LYPD6B: variants seen among roughly 807,000 people sequenced by gnomAD.
The protein encoded by LYPD6B is LY6/PLAUR domain containing 6B.
A neutral mutation model predicts 22.8 loss-of-function variants in LYPD6B; 17 were observed. The observed-to-expected ratio is 0.75, with a 90% confidence interval of 0.51 to 1.12. The LOEUF is 1.12. Among genes scored for constraint, LYPD6B ranks in the 50% most tolerant of loss-of-function variants. The pLI, the probability that LYPD6B is intolerant of heterozygous loss-of-function variation, is 0.00. For missense variants in LYPD6B, 221 were observed against 258.3 expected (o/e 0.86, Z 0.99); for synonymous variants, 106 against 91.6 (o/e 1.16, Z -0.90).
intron 1 of LYPD6B, among the ~76,000 whole-genome samples, chr2:149,105,071 A>G (rs575501840): frequency 2.0e-4 from 31 of 152,186 alleles, no homozygotes; most frequent in Admixed American, 3.3e-4. Context: ...TTGTGAATAT[A>G]CATCCAATTG....
chr2:149,186,850 A>T (rs1356774754), intron 3 of LYPD6B, among the ~76,000 whole-genome samples: 3 of 152,218 alleles, frequency 2.0e-5, no homozygotes, highest in Admixed American at 2.0e-4. Context: ...CCAGTATCAC[A>T]TGCTACAGAG....
At chr2:149,039,804 T>A (rs1453974661) in intron 1 of LYPD6B, among the ~76,000 whole-genome samples, 1 of 152,170 alleles carries the variant, frequency 6.6e-6, no homozygotes. Context: ...AGGCCAAGAT[T>A]AGGGCTGCCA....
intron 2 of LYPD6B, among the ~76,000 whole-genome samples, chr2:149,147,802 CTG>C (rs1689121562): frequency 6.6e-6 from 1 of 152,112 alleles, no homozygotes; most frequent in Non-Finnish European, 1.5e-5. Flanking sequence ...GTGTGAGCCA[CTG>C]CGCCCAGCCT....
chr2:149,132,134 G>A (rs1455155999), intron 2 of LYPD6B, among the ~76,000 whole-genome samples: 2 of 151,706 alleles, frequency 1.3e-5, no homozygotes, highest in East Asian at 1.9e-4. Context: ...AATGAAATAG[G>A]GCAGACAGAA....
intron 1 of LYPD6B, among the ~76,000 whole-genome samples, chr2:149,056,233 C>G (rs1350854646): frequency 6.6e-6 from 1 of 152,186 alleles, no homozygotes; most frequent in Non-Finnish European, 1.5e-5. Context: ...TTCTATCCTG[C>G]CTTTCCACAA....
chr2:149,096,047 A>T (rs934517723), intron 1 of LYPD6B, among the ~76,000 whole-genome samples: 1 of 152,134 alleles, frequency 6.6e-6, no homozygotes, highest in Non-Finnish European at 1.5e-5. Flanking sequence ...GCACGGAGAG[A>T]GACAGAGACA....
chr2:149,075,213 A>T (rs1284908144), intron 1 of LYPD6B, among the ~76,000 whole-genome samples: 1 of 152,186 alleles, frequency 6.6e-6, no homozygotes, highest in Non-Finnish European at 1.5e-5. Flanking sequence ...CTCCCATTTT[A>T]TAAACTGTTC....
At chr2:149,205,220 A>C in intron 3 of LYPD6B, 33 bp from the exon 4 acceptor site, 1 of 1,576,450 alleles carries the variant, frequency 6.3e-7, no homozygotes, top group Non-Finnish European at 8.6e-7. Context: ...GTAAAATATA[A>C]AGAAACTGAA....
At chr2:149,164,697 T>C (rs113032312) in intron 3 of LYPD6B, among the ~76,000 whole-genome samples, 334 of 152,306 alleles carry the variant, frequency 2.2e-3, no homozygotes, top group African/African-American at 7.7e-3. Context: ...TTCCCAAATT[T>C]GATCACTAAT....
At chr2:149,210,082 C>T (rs1437905005) in intron 5 of LYPD6B, among the ~76,000 whole-genome samples, 1 of 152,136 alleles carries the variant, frequency 6.6e-6, no homozygotes, top group East Asian at 1.9e-4. Context: ...TGATGTCCAA[C>T]CTGGTAGGCC....
chr2:149,134,650 A>G (rs568357438), intron 2 of LYPD6B, among the ~76,000 whole-genome samples: 10 of 152,350 alleles, frequency 6.6e-5, no homozygotes, highest in African/African-American at 2.4e-4. Flanking sequence ...CTCTCACAGT[A>G]TATGATGTGG....
At chr2:149,169,561 G>A (rs1454427931) in intron 3 of LYPD6B, among the ~76,000 whole-genome samples, 2 of 152,098 alleles carry the variant, frequency 1.3e-5, no homozygotes, top group African/African-American at 2.4e-5. Context: ...AATAACCAAG[G>A]GAGTGACCTA....
chr2:149,059,921 C>G (rs530697153), intron 1 of LYPD6B, among the ~76,000 whole-genome samples: 41 of 152,174 alleles, frequency 2.7e-4, no homozygotes, highest in African/African-American at 9.4e-4. Flanking sequence ...AAAGGTGGTT[C>G]AGGCAGGAGT....
chr2:149,140,968 C>T (rs1688657090), intron 2 of LYPD6B, among the ~76,000 whole-genome samples: 1 of 152,146 alleles, frequency 6.6e-6, no homozygotes, highest in Non-Finnish European at 1.5e-5. Flanking sequence ...GATAGAGGCA[C>T]ATATTTATTT....
chr2:149,132,097 CAA>C (rs1688067829), intron 2 of LYPD6B, among the ~76,000 whole-genome samples: 1 of 151,918 alleles, frequency 6.6e-6, no homozygotes, highest in East Asian at 1.9e-4. Context: ...CACTCATAGG[CAA>C]GTCAGGGCTG....
intron 1 of LYPD6B, among the ~76,000 whole-genome samples, chr2:149,052,215 C>T (rs1683593481): frequency 6.6e-6 from 1 of 151,948 alleles, no homozygotes; most frequent in African/African-American, 2.4e-5. Flanking sequence ...CCCCACCACA[C>T]CCAGCTAGTT....
intron 1 of LYPD6B, among the ~76,000 whole-genome samples, chr2:149,102,849 C>G (rs1686278704): frequency 6.6e-6 from 1 of 152,102 alleles, no homozygotes; most frequent in Non-Finnish European, 1.5e-5. Context: ...CCAGGCTGGT[C>G]TCAAACTCCT....
At chr2:149,143,033 G>A (rs1441978302) in intron 2 of LYPD6B, among the ~76,000 whole-genome samples, 1 of 152,006 alleles carries the variant, frequency 6.6e-6, no homozygotes, top group Non-Finnish European at 1.5e-5. Context: ...ACATCAGTTT[G>A]GCACATTTTT....
intron 1 of LYPD6B, among the ~76,000 whole-genome samples, chr2:149,107,226 A>G (rs953724621): frequency 2.0e-5 from 3 of 152,180 alleles, no homozygotes; most frequent in African/African-American, 4.8e-5. Flanking sequence ...TACCACAGTA[A>G]TCAATCAGAT....
Sources: allele counts gnomAD v4.1 joint callset (sites outside exome capture counted in the v4.1 genomes callset), GRCh38; gene constraint gnomAD v4.1.1; transcripts MANE v1.5; gene names NCBI Gene and HGNC (gene_info 2026-07-23, HGNC 2026-07-21).